PRDX1: variants seen among roughly 807,000 people sequenced by gnomAD.
PRDX1 encodes peroxiredoxin-1.
In PRDX1, 19 loss-of-function variants were observed where a neutral mutation model predicts 20.7. The observed-to-expected ratio is 0.92, with a 90% CI of 0.64 to 1.35. The LOEUF is 1.35. PRDX1 is among the 40% of genes most tolerant of loss of function. PRDX1 has a pLI of 0.00. For missense variants in PRDX1, 226 were observed against 240.0 expected, an observed-to-expected ratio of 0.94 and a Z score of 0.38; for synonymous variants, 89 against 83.9, an observed-to-expected ratio of 1.06 and a Z score of -0.33.
intron 2 of PRDX1, among the ~76,000 whole-genome samples, chr1:45,518,567 T>G (rs1393534470): frequency 1.3e-5 from 2 of 151,078 alleles, no homozygotes; most frequent in African/African-American, 4.9e-5. Context: ...GAGGACCACC[T>G]GAGCCCAGAG....
intron 5 of PRDX1, chr1:45,512,894 ACT>A (rs1164540593): frequency 6.6e-6 from 1 of 151,956 alleles, no homozygotes; most frequent in Admixed American, 6.6e-5. Context: ...ATATAATCAG[ACT>A]CTAATCCCTG....
intron 5 of PRDX1, 43 bp from the exon 6 acceptor site, chr1:45,511,457 T>TGGTGC: frequency 6.6e-7 from 1 of 1,523,168 alleles, no homozygotes; most frequent in Non-Finnish European, 9.1e-7. Context: ...TTCTCAATGG[T>TGGTGC]ATGCACCACC....
chr1:45,520,393 T>C lies in PRDX1; in HGVS notation c.-11-1339A>G, dbSNP rs1396580322. On this transcript the variant is annotated intron_variant, in intron 1 of 5. Coordinates refer to ENST00000319248, the MANE Select transcript of PRDX1 (RefSeq NM_181697.3). ...ATCAATTTACTGCTGAAAAGGAAGG[T>C]TGCACTGGATTCACCCAGATCAACA... is the stretch of plus-strand genomic sequence containing the variant. 4.0e-5 allele frequency among the ~76,000 whole-genome samples: 6 copies of C among 151,828 alleles called. No homozygotes were observed. In the East Asian group the frequency reaches 1.2e-3, roughly 29 times the overall value.
At chr1:45,520,540 T>C (rs1228418338) in intron 1 of PRDX1, among the ~76,000 whole-genome samples, 5 of 151,654 alleles carry the variant, frequency 3.3e-5, no homozygotes, top group Admixed American at 1.3e-4. Context: ...CTGGCCATCA[T>C]AGTGAAACCC....
upstream of PRDX1, chr1:45,522,068 C>T (rs779800914): frequency 1.3e-5 from 2 of 152,248 alleles, no homozygotes; most frequent in Non-Finnish European, 2.9e-5. Flanking sequence ...ACTAATACCC[C>T]ACCCTGTTGC....
chr1:45,519,118 C>G (rs574340985), intron 1 of PRDX1, 64 bp from the exon 2 acceptor site: 1 of 1,160,186 alleles, frequency 8.6e-7, no homozygotes, highest in Non-Finnish European at 1.2e-6. Context: ...CAGCCTTCAC[C>G]TACTTAAAGA....
chr1:45,515,865 T>C (rs1414698988), intron 2 of PRDX1, 58 bp from the exon 3 acceptor site: 5 of 1,460,220 alleles, frequency 3.4e-6, no homozygotes, highest in Admixed American at 2.6e-5. Flanking sequence ...TGCTTTATAT[T>C]TTCCTATACA....
At chr1:45,520,794 C>T (rs1643904894) in intron 1 of PRDX1, among the ~76,000 whole-genome samples, 1 of 148,690 alleles carries the variant, frequency 6.7e-6, no homozygotes. Context: ...ATCCCAGCTA[C>T]TCCTAAGGCT....
At chr1:45,515,452 A>G (rs530974294) in intron 3 of PRDX1, among the ~76,000 whole-genome samples, 1 of 152,148 alleles carries the variant, frequency 6.6e-6, no homozygotes, top group East Asian at 1.9e-4. Context: ...ACAAAAAATT[A>G]GCCAGGTATG....
intron 2 of PRDX1, among the ~76,000 whole-genome samples, chr1:45,518,156 A>C (rs1643877270): frequency 6.6e-6 from 1 of 152,054 alleles, no homozygotes; most frequent in African/African-American, 2.4e-5. Flanking sequence ...CATGGCGCCC[A>C]GCTCTACAAA....
intron 5 of PRDX1, chr1:45,512,380 C>T (rs1643770420): frequency 6.7e-6 from 1 of 149,830 alleles, no homozygotes; most frequent in African/African-American, 2.4e-5. Flanking sequence ...TGGGACTATA[C>T]AAAAATAGTG....
Position 45,515,765 on chromosome 1 carries a change from AAGGTG to A in PRDX1, c.144_148del (p.Thr49CysfsTer11). On this transcript the variant is annotated frameshift_variant, in exon 3 of 6. Transcript: ENST00000319248. LOFTEE classifies it high-confidence loss of function. ...AGCAATGATCTCCGTGGGGCACACAAAGGTGAAGTCAAGAGGGTAAAAGAAGAACA... is the reference window on the plus strand; with the variant it reads ...AGCAATGATCTCCGTGGGGCACACAAAAGTCAAGAGGGTAAAAGAAGAACA... 1 of 1,596,860 alleles carries A rather than the reference AAGGTG, an allele frequency of 6.3e-7. No homozygotes were observed. The highest frequency in any genetic ancestry group is 1.8e-5 in the Admixed American group (1 of 54,952).
intron 5 of PRDX1, chr1:45,513,387 C>T (rs545586726): frequency 2.6e-5 from 4 of 152,240 alleles, no homozygotes; most frequent in Non-Finnish European, 5.9e-5. Flanking sequence ...ATTCTCCTTC[C>T]CAAGCTTTTC....
At chr1:45,522,100 G>A (rs1384816156), upstream of PRDX1, 2 of 152,228 alleles carry the variant, frequency 1.3e-5, no homozygotes, top group African/African-American at 2.4e-5. Context: ...GTTGGAGTGA[G>A]GCGCCCTTGT....
chr1:45,514,454 C>T lies in PRDX1; in HGVS notation c.514+53G>A, dbSNP rs903223407. On this transcript the variant is annotated intron_variant, in intron 5 of 5. Coordinates refer to ENST00000319248, the MANE Select transcript of PRDX1 (RefSeq NM_181697.3). ...AACACCCACAGGTGTGAAGGGGCAACCCACCCCTTCATACCACCACTCTGT... is the reference window on the plus strand; with the variant it reads ...AACACCCACAGGTGTGAAGGGGCAATCCACCCCTTCATACCACCACTCTGT... 5 of 1,602,414 alleles carry T rather than the reference C, an allele frequency of 3.1e-6. No homozygotes were observed. The Admixed American group carries it at 6.7e-5, about 22-fold the overall frequency.
At chr1:45,521,997 C>T (rs1321712942), upstream of PRDX1, 1 of 152,330 alleles carries the variant, frequency 6.6e-6, no homozygotes, top group East Asian at 1.9e-4. Flanking sequence ...CCGAGCCCCG[C>T]CCGGCGCGCC....
chr1:45,517,711 G>A (rs1643873517), intron 2 of PRDX1, among the ~76,000 whole-genome samples: 1 of 150,386 alleles, frequency 6.6e-6, no homozygotes, highest in South Asian at 2.1e-4. Flanking sequence ...GAACCCAGAA[G>A]GCGGAGCTTG....
chr1:45,520,205 C>CAAAAAAAAAAAAAAA lies in PRDX1; in HGVS notation c.-11-1166_-11-1152dup, dbSNP rs59260423. Among the ~76,000 whole-genome samples, 120 of 91,014 alleles carry CAAAAAAAAAAAAAAA rather than the reference C, an allele frequency of 1.3e-3. 1 individual carries two copies. The highest frequency in any genetic ancestry group is 5.1e-3 in the African/African-American group (112 of 21,924). 59.7% of individuals were successfully genotyped at this position (91,014 alleles called of 152,430 possible). Reference sequence around the variant, plus strand: ...GGGCAACAGAGTGAGACTCTGTCTCCAAAAAAAAAAAAAAAAAAAAGAGGC... The same window carrying CAAAAAAAAAAAAAAA: ...GGGCAACAGAGTGAGACTCTGTCTCCAAAAAAAAAAAAAAAAAAAAAAAAAAAAAAAAAAAGAGGC... On this transcript the variant is annotated intron_variant, in intron 1 of 5. Transcript: ENST00000319248.
intron 1 of PRDX1, among the ~76,000 whole-genome samples, chr1:45,520,723 CAAAAAAAAA>C (rs71052895): frequency 5.2e-5 from 3 of 57,546 alleles, no homozygotes; most frequent in Admixed American, 2.3e-4. Flanking sequence ...GACTCCGTCT[CAAAAAAAAA>C]AAAAAAAAAA....
Sources: gnomAD v4.1 joint callset for allele counts (sites outside exome capture counted in the v4.1 genomes callset) on GRCh38, gnomAD v4.1.1 for gene constraint, MANE v1.5 for transcripts, NCBI Gene and HGNC (gene_info 2026-07-23, HGNC 2026-07-21) for gene names.